The following SH2D4B variants were observed in gnomAD, a reference collection of about 807,000 sequenced individuals.
SH2D4B encodes SH2 domain containing 4B.
SH2D4B carries 45 observed loss-of-function variants against 61.5 expected under a neutral mutation model. The observed-to-expected ratio is 0.73, with a 90% confidence interval of 0.58 to 0.94. The LOEUF is 0.94. Ranked by LOEUF, SH2D4B falls within the 40% of genes least tolerant of loss-of-function variation. SH2D4B has a pLI of 0.00. For synonymous variants in SH2D4B, 224 were observed against 220.4 expected (o/e 1.02, Z -0.14); for missense variants, 572 against 574.2 (o/e 1.00, Z 0.04).
At chr10:80,608,116 A>T (rs1013901254) in intron 5 of SH2D4B, among the ~76,000 whole-genome samples, 5 of 152,172 alleles carry the variant, frequency 3.3e-5, no homozygotes, top group Admixed American at 2.0e-4. Context: ...GTGCTTTTGT[A>T]AGGCAGAACC....
chr10:80,607,515 G>A (rs1349848817), intron 5 of SH2D4B: 3 of 152,300 alleles, frequency 2.0e-5, no homozygotes, highest in African/African-American at 7.2e-5. Flanking sequence ...GCCATGCAAT[G>A]TAACCTCACC....
intron 5 of SH2D4B, among the ~76,000 whole-genome samples, chr10:80,608,903 C>A (rs1301966596): frequency 1.3e-5 from 2 of 152,104 alleles, no homozygotes; most frequent in Non-Finnish European, 2.9e-5. Flanking sequence ...CACAGGCAGG[C>A]GTCCCCTCAG....
intron 3 of SH2D4B, among the ~76,000 whole-genome samples, chr10:80,572,982 A>ATTTTTTTTTT (rs1247462135): frequency 2.2e-4 from 2 of 9,256 alleles, no homozygotes; most frequent in African/African-American, 9.1e-4. Context: ...ATATATATAT[A>ATTTTTTTTTT]TATATTTTTT....
At chr10:80,543,374 G>C (rs918430890) in intron 1 of SH2D4B, among the ~76,000 whole-genome samples, 2 of 152,152 alleles carry the variant, frequency 1.3e-5, no homozygotes, top group Non-Finnish European at 2.9e-5. Flanking sequence ...CACCGGCCCG[G>C]GGCAGTGAGG....
At chr10:80,551,617 A>G (rs529288961) in intron 1 of SH2D4B, among the ~76,000 whole-genome samples, 8 of 152,308 alleles carry the variant, frequency 5.3e-5, no homozygotes, top group East Asian at 1.9e-4. Context: ...TCACTAATAA[A>G]CCACTTCCAC....
intron 1 of SH2D4B, among the ~76,000 whole-genome samples, chr10:80,568,974 G>T (rs1228473094): frequency 1.3e-5 from 2 of 152,192 alleles, no homozygotes; most frequent in Admixed American, 1.3e-4. Context: ...TGGATCTCTA[G>T]CCTGTTAAAC....
intron 1 of SH2D4B, among the ~76,000 whole-genome samples, chr10:80,552,573 G>A (rs979473777): frequency 2.0e-5 from 3 of 152,144 alleles, no homozygotes; most frequent in Non-Finnish European, 4.4e-5. Context: ...GCCACCAGCT[G>A]CTTATCTCGG....
At chr10:80,585,966 C>T (rs577157223) in intron 3 of SH2D4B, among the ~76,000 whole-genome samples, 68 of 152,006 alleles carry the variant, frequency 4.5e-4, no homozygotes, top group African/African-American at 1.6e-3. Context: ...GCCCCACACT[C>T]GGAGCGTCGA....
chr10:80,586,906 C>T (rs917230455), intron 3 of SH2D4B, among the ~76,000 whole-genome samples: 1 of 151,826 alleles, frequency 6.6e-6, no homozygotes, highest in Non-Finnish European at 1.5e-5. Flanking sequence ...CAACTCCAGA[C>T]GCACTGCCTT....
chr10:80,596,073 G>C (rs1842381438), intron 4 of SH2D4B, among the ~76,000 whole-genome samples: 1 of 152,178 alleles, frequency 6.6e-6, no homozygotes, highest in African/African-American at 2.4e-5. Context: ...GGGTTTCACT[G>C]TTACCAGTTA....
At chr10:80,561,235 A>G (rs1841898881) in intron 1 of SH2D4B, among the ~76,000 whole-genome samples, 1 of 152,228 alleles carries the variant, frequency 6.6e-6, no homozygotes, top group African/African-American at 2.4e-5. Flanking sequence ...AAGGAAAACA[A>G]CGGATAGAAT....
intron 1 of SH2D4B, among the ~76,000 whole-genome samples, chr10:80,562,894 C>CTTTT (rs34539206): frequency 1.0e-3 from 76 of 74,682 alleles, no homozygotes; most frequent in Non-Finnish European, 1.2e-3. Context: ...AACATTTTTT[C>CTTTT]TTTTTTTTTT....
At chr10:80,590,425 A>G (rs1369428007) in intron 4 of SH2D4B, among the ~76,000 whole-genome samples, 1 of 152,180 alleles carries the variant, frequency 6.6e-6, no homozygotes, top group African/African-American at 2.4e-5. Context: ...TGGGAGGGGC[A>G]ATCTCTCCAG....
chr10:80,550,357 G>A (rs1252032359), intron 1 of SH2D4B, among the ~76,000 whole-genome samples: 1 of 152,114 alleles, frequency 6.6e-6, no homozygotes, highest in Non-Finnish European at 1.5e-5. Flanking sequence ...ACTTTGGGAG[G>A]CTGAGGTGGG....
At chr10:80,586,179 C>T (rs533295370) in intron 3 of SH2D4B, among the ~76,000 whole-genome samples, 12 of 152,256 alleles carry the variant, frequency 7.9e-5, no homozygotes, top group Admixed American at 2.0e-4. Flanking sequence ...GCTCCTGTGC[C>T]GCCGAGCCTC....
At chr10:80,617,748 C>T (rs1279722138) in intron 6 of SH2D4B, among the ~76,000 whole-genome samples, 1 of 152,222 alleles carries the variant, frequency 6.6e-6, no homozygotes, top group Non-Finnish European at 1.5e-5. Context: ...TTTCAGCAAC[C>T]AGACTCTCTC....
At chr10:80,572,986 A>ATATATAT (rs1564772012) in intron 3 of SH2D4B, among the ~76,000 whole-genome samples, 1 of 8,880 alleles carries the variant, frequency 1.1e-4, no homozygotes, top group Non-Finnish European at 2.0e-4. Flanking sequence ...ATATATATAT[A>ATATATAT]TTTTTTTTTT....
At chr10:80,607,166 A>T (rs912615526) in intron 5 of SH2D4B, 2 of 152,234 alleles carry the variant, frequency 1.3e-5, no homozygotes, top group African/African-American at 4.8e-5. Flanking sequence ...GACTGCTTAG[A>T]AACAGAGGGA....
chr10:80,569,857 G>C (rs1290959366), intron 1 of SH2D4B, among the ~76,000 whole-genome samples: 1 of 152,192 alleles, frequency 6.6e-6, no homozygotes, highest in African/African-American at 2.4e-5. Flanking sequence ...GTAAGTTGGA[G>C]CTAGTCATGC....
Sources: allele counts gnomAD v4.1 joint callset (sites outside exome capture counted in the v4.1 genomes callset), GRCh38; gene constraint gnomAD v4.1.1; transcripts MANE v1.5; gene names NCBI Gene and HGNC (gene_info 2026-07-23, HGNC 2026-07-21).